The following TDG variants were observed in gnomAD, a reference collection of about 807,000 sequenced individuals.
TDG encodes the protein G/T mismatch-specific thymine DNA glycosylase.
TDG carries 23 observed loss-of-function variants against 46.1 expected under a neutral mutation model. The observed-to-expected ratio is 0.50, with a 90% confidence interval of 0.36 to 0.71. The LOEUF is 0.71. TDG is among the 30% of genes least tolerant of loss of function. The pLI is 0.00. For synonymous variants in TDG, 115 were observed against 161.3 expected (o/e 0.71, Z 2.18); for missense variants, 304 against 486.7 (o/e 0.62, Z 3.53).
chr12:103,980,253 A>C lies in TDG; in HGVS notation c.408+181A>C, dbSNP rs1314110185. On this transcript the variant is annotated intron_variant, in intron 3 of 9. Transcript: ENST00000392872. ...AGAGTGTTTAAGAGGGTGGGCTCCA[A>C]ATTTAGACTGTCTGGGTTCAAATCC... The C allele has an allele frequency of 4.0e-6, 3 of 740,834 alleles. No individual in the cohort carries two copies. The East Asian group carries it at 8.6e-5, about 21-fold the overall frequency. The allele number at this position is 740,834 out of a possible 1,614,324, so 45.9% of individuals were successfully genotyped here.
Position 103,983,349 on chromosome 12 carries a change from A to G in TDG, c.752A>G (p.Glu251Gly). 1 of 1,597,796 alleles carries G rather than the reference A, an allele frequency of 6.3e-7. No homozygotes were observed. The highest frequency in any genetic ancestry group is 2.3e-5 in the East Asian group (1 of 44,298). Residue 251 changes from glutamate (E) to glycine (G), a missense_variant, in exon 7 of 10, where the codon GAA becomes GGA. Glu to Gly is a moderately conservative substitution (Grantham distance 98). Transcript: ENST00000392872. ...TTTGGAGTAAAGGTTAAGAACTTGG[A>G]ATTTGGGCTTCAGCCCCATAAGATT... ...EVFGVKVKNL[E>G]FGLQPHKIPD...
chr12:103,973,049 TC>T (rs1207523216), intron 1 of TDG: 1 of 701,490 alleles, frequency 1.4e-6, no homozygotes, highest in Admixed American at 2.0e-5. Context: ...TAGATTGCCT[TC>T]CTGACCATGT....
chr12:103,975,674 T>G (rs892184111), intron 1 of TDG, among the ~76,000 whole-genome samples: 6 of 152,042 alleles, frequency 3.9e-5, no homozygotes, highest in Non-Finnish European at 8.8e-5. Context: ...ATTTTTTTTT[T>G]CTTTTGAGAC....
At chr12:103,983,009 T>C in intron 5 of TDG, 75 bp downstream of exon 5, 1 of 1,593,258 alleles carries the variant, frequency 6.3e-7, no homozygotes, top group South Asian at 1.1e-5. Context: ...AGGAACATCA[T>C]ATGTATCTAG....
intron 4 of TDG, among the ~76,000 whole-genome samples, 184 bp downstream of exon 4, chr12:103,981,146 C>T (rs1256531686): frequency 6.8e-6 from 1 of 146,154 alleles, no homozygotes; most frequent in African/African-American, 2.5e-5. Context: ...TTACTGTTAA[C>T]ATTTTAGTCT....
rs747233520 is a variant in TDG at position 103,983,314 on chromosome 12, T to C, written c.717T>C (p.Ser239=). ...FNGKCIYEIF[S]KEVFGVKVKN... is the part of the protein sequence containing the mutation. ...TTTTAGGTATTTATGAAATTTTTAG[T>C]AAAGAAGTTTTTGGAGTAAAGGTTA... The change falls in exon 7 of 10, where the codon AGT becomes AGC. Residue 239 remains serine, a synonymous_variant. Coordinates refer to ENST00000392872, the MANE Select transcript of TDG (RefSeq NM_003211.6). 17 of 1,592,804 alleles carry C rather than the reference T, an allele frequency of 1.1e-5. No individual in the cohort carries two copies. The highest frequency in any genetic ancestry group is 7.3e-5 in the Admixed American group (4 of 55,058).
At chr12:103,973,721 T>G (rs1239092634) in intron 1 of TDG, among the ~76,000 whole-genome samples, 1 of 152,240 alleles carries the variant, frequency 6.6e-6, no homozygotes, top group Admixed American at 6.5e-5. Flanking sequence ...CTAAGCATAG[T>G]TCTACATCTT....
At position 103,965,907 on chromosome 12, in the gene TDG, T is replaced by C. The variant is rs1046747190; in HGVS notation, c.-131T>C. On this transcript the variant is annotated 5_prime_UTR_variant, in exon 1 of 10. Transcript: ENST00000392872. The stretch of plus-strand genomic sequence containing the variant: ...AGGAGGAGCTTGAGTCCAGCCACTG[T>C]CTGGGTACTGCCAGCCATCGGGCCC... The C allele has an allele frequency of 3.6e-6, 5 of 1,399,310 alleles. No homozygotes were observed. Among genetic ancestry groups the C allele is most frequent in the Non-Finnish European group, 3.9e-6 (4 of 1,035,078 alleles). The allele number at this position is 1,399,310 out of a possible 1,614,324, so 86.7% of individuals were successfully genotyped here.
At chr12:103,984,668 TAA>T in intron 7 of TDG, 79 bp from the exon 8 acceptor site, 1 of 1,183,052 alleles carries the variant, frequency 8.5e-7, no homozygotes. Flanking sequence ...TTAACCCAAA[TAA>T]AGACAAATAT....
At position 103,979,991 on chromosome 12, in the gene TDG, C is replaced by A; in HGVS notation, c.327C>A (p.Asp109Glu). 6.2e-7 allele frequency: 1 copy of A among 1,613,520 alleles called. No homozygotes were observed. The highest frequency in any genetic ancestry group is 8.5e-7 in the Non-Finnish European group (1 of 1,179,988). ...TDTFKVKRKV[D>E]RFNGVSEAEL... ...CATTTAAAGTAAAAAGAAAAGTAGACCGTTTTAATGGTGTTTCAGAAGCTG... is the reference window on the plus strand; with the variant it reads ...CATTTAAAGTAAAAAGAAAAGTAGAACGTTTTAATGGTGTTTCAGAAGCTG... The change falls in exon 3 of 10, where the codon GAC (aspartate) becomes GAA (glutamate). Residue 109 changes from aspartate to glutamate, a missense_variant. Physicochemically the swap from Asp to Glu is conservative, Grantham distance 45 (BLOSUM62 2). Coordinates refer to ENST00000392872, the MANE Select transcript of TDG (RefSeq NM_003211.6).
At chr12:103,980,836 C>T (rs114046022) in intron 3 of TDG, 57 bp from the exon 4 acceptor site, 80 of 1,524,136 alleles carry the variant, frequency 5.2e-5, no homozygotes, top group African/African-American at 4.6e-4. Flanking sequence ...TCCATAGAAA[C>T]GCTAAGGCTT....
At chr12:103,968,333 A>G (rs1432889006) in intron 1 of TDG, among the ~76,000 whole-genome samples, 1 of 152,204 alleles carries the variant, frequency 6.6e-6, no homozygotes. Flanking sequence ...TAAGAATACC[A>G]ACAGGAAAGA....
rs1367437067 is a variant in TDG at position 103,987,974 on chromosome 12, T to A, written c.*884T>A. Reference sequence around the variant, plus strand: ...TTGATACTCTCATTTAAACTGGTGCTTTATGTACATGAGATGTACTAAAAT... The same window carrying A: ...TTGATACTCTCATTTAAACTGGTGCATTATGTACATGAGATGTACTAAAAT... On this transcript the variant is annotated 3_prime_UTR_variant, in exon 10 of 10. Transcript: ENST00000392872. The A allele has an allele frequency of 6.6e-6, 1 of 152,610 alleles. No homozygotes were observed. Among genetic ancestry groups the A allele is most frequent in the Non-Finnish European group, 1.5e-5 (1 of 67,972 alleles). 9.5% of individuals were successfully genotyped at this position (152,610 alleles called of 1,614,324 possible).
chr12:103,972,378 A>G (rs1354556777), intron 1 of TDG, among the ~76,000 whole-genome samples: 1 of 152,134 alleles, frequency 6.6e-6, no homozygotes, highest in Non-Finnish European at 1.5e-5. Flanking sequence ...CGGCCTCCCA[A>G]AGTGCTGGGA....
In TDG at chr12:103,966,079, C is replaced by T. The variant is rs942525781; in HGVS notation, c.23+19C>T. 2 of 1,560,920 alleles carry T rather than the reference C, an allele frequency of 1.3e-6. No homozygotes were observed. The highest frequency in any genetic ancestry group is 1.7e-6 in the Non-Finnish European group (2 of 1,152,736). ...CGGGCAGGTAATACCGGGGCCAGCG[C>T]CGCCCCTCCCTTGCGCCCCTCACTG... On this transcript the variant is annotated intron_variant, in intron 1 of 9. Transcript: ENST00000392872.
At chr12:103,981,615 GGCAGT>G (rs1414340617) in intron 4 of TDG, among the ~76,000 whole-genome samples, 1 of 152,120 alleles carries the variant, frequency 6.6e-6, no homozygotes, top group African/African-American at 2.4e-5. Flanking sequence ...ACATCTTTGT[GGCAGT>G]GCAGACATAA....
Position 103,983,237 on chromosome 12 carries a change from T to A in TDG, c.697+19T>A. 6.6e-7 allele frequency: 1 copy of A among 1,520,990 alleles called. No homozygotes were observed. The highest frequency in any genetic ancestry group is 8.9e-7 in the Non-Finnish European group (1 of 1,127,134). The allele number at this position is 1,520,990 out of a possible 1,614,324, so 94.2% of individuals were successfully genotyped here. A position where few individuals can be genotyped will look rare whatever the true frequency, so the allele number is the denominator to read the frequency against. The stretch of plus-strand genomic sequence containing the variant: ...GGAAAATGTAAGATTTACTTTTAAA[T>A]TTTTTTTTTCTTTGCTAACATTATG... On this transcript the variant is annotated intron_variant, in intron 6 of 9. Coordinates refer to ENST00000392872, the MANE Select transcript of TDG (RefSeq NM_003211.6).
chr12:103,977,224 G>A (rs1029829576), intron 2 of TDG, among the ~76,000 whole-genome samples, 164 bp downstream of exon 2: 1 of 152,192 alleles, frequency 6.6e-6, no homozygotes, highest in Non-Finnish European at 1.5e-5. Context: ...GGGAATAAAA[G>A]AACATGGGTC....
At chr12:103,970,778 A>G (rs963351461) in intron 1 of TDG, among the ~76,000 whole-genome samples, 5 of 152,064 alleles carry the variant, frequency 3.3e-5, no homozygotes, top group African/African-American at 1.2e-4. Context: ...AAATAAAAAA[A>G]TAGCAAATCT....
Sources: gnomAD v4.1 joint callset for allele counts (sites outside exome capture counted in the v4.1 genomes callset) on GRCh38, gnomAD v4.1.1 for gene constraint, MANE v1.5 for transcripts, NCBI Gene and HGNC (gene_info 2026-07-23, HGNC 2026-07-21) for gene names.